PAM16: variants seen among roughly 807,000 people sequenced by gnomAD.
PAM16 encodes mitochondrial import inner membrane translocase subunit TIM16.
PAM16 carries 11 observed loss-of-function variants against 17.9 expected under a neutral mutation model. The observed-to-expected ratio is 0.62, with a 90% confidence interval of 0.39 to 1.02. The LOEUF (loss-of-function observed/expected upper bound fraction) is 1.02. Among genes scored for constraint, PAM16 ranks in the 50% least tolerant of loss-of-function variants. The pLI is 0.01. For synonymous variants in PAM16, 72 were observed against 67.4 expected (o/e 1.07, Z -0.34); for missense variants, 199 against 165.4 (o/e 1.20, Z -1.11).
chr16:4,342,127 G>A (rs1045649826), intron 2 of PAM16, among the ~76,000 whole-genome samples: 2 of 152,134 alleles, frequency 1.3e-5, no homozygotes, highest in Non-Finnish European at 2.9e-5. Flanking sequence ...AAGGAGGGCA[G>A]ATCACGAGGT....
At chr16:4,351,083 C>A in intron 1 of PAM16, 149 bp downstream of exon 1, 1 of 382,556 alleles carries the variant, frequency 2.6e-6, no homozygotes, top group Non-Finnish European at 4.4e-6. Context: ...CCTCGATTCC[C>A]CCGGGTGCAA....
chr16:4,343,971 C>T (rs2053692539), intron 1 of PAM16: 2 of 398,220 alleles, frequency 5.0e-6, no homozygotes, highest in East Asian at 7.2e-5. Flanking sequence ...CTCTGCTCAG[C>T]ACTTGAGCAC....
chr16:4,351,021 C>A, intron 1 of PAM16: 1 of 327,078 alleles, frequency 3.1e-6, no homozygotes, highest in East Asian at 4.8e-5. Context: ...CCGGCCTCTT[C>A]CAGGCAGACG....
At position 4,340,338 on chromosome 16, in the gene PAM16, C is replaced by T. The variant is rs1326418914; in HGVS notation, c.359G>A (p.Gly120Glu). The change falls in exon 5 of 5, where the codon GGG becomes GAG. Residue 120 changes from glycine to glutamate, a missense_variant. Gly to Glu is a moderately conservative substitution (Grantham distance 98). Transcript: ENST00000318059. ...KIQAQEDREK[G>E]QMPHT Reference sequence around the variant, plus strand: ...GAGCAGTCACGTATGGGGCATCTGCCCTTTTTCTCTGTCCTCCTGGGCCTG... The same window carrying T: ...GAGCAGTCACGTATGGGGCATCTGCTCTTTTTCTCTGTCCTCCTGGGCCTG... 1.9e-6 allele frequency: 3 copies of T among 1,612,844 alleles called. No homozygotes were observed. In the African/African-American group the frequency reaches 4.0e-5, roughly 22 times the overall value.
At chr16:4,343,981 C>T (rs1276629168) in intron 1 of PAM16, 1 of 398,090 alleles carries the variant, frequency 2.5e-6, no homozygotes, top group Non-Finnish European at 4.4e-6. Context: ...CACTTGAGCA[C>T]AAAGCTACAC....
At chr16:4,346,220 G>T (rs1044452130) in intron 1 of PAM16, among the ~76,000 whole-genome samples, 1 of 152,194 alleles carries the variant, frequency 6.6e-6, no homozygotes, top group Non-Finnish European at 1.5e-5. Context: ...CTGAGAAGAC[G>T]CAGTGTAGTG....
At chr16:4,340,792 G>C in intron 4 of PAM16, 128 bp downstream of exon 4, 2 of 1,238,560 alleles carry the variant, frequency 1.6e-6, no homozygotes, top group Non-Finnish European at 2.4e-6. Flanking sequence ...GGGCACCATG[G>C]GAAAGCCTGG....
chr16:4,351,307 G>T lies in PAM16; in HGVS notation c.-73C>A, dbSNP rs780891945. On this transcript the variant is annotated 5_prime_UTR_variant, in exon 1 of 5. Coordinates refer to ENST00000318059, the MANE Select transcript of PAM16 (RefSeq NM_016069.11). ...CGGCCGGGGATCAAGCGTGGTCGGC[G>T]GGTCAGAGGTCAAGGAAAGCCGCAG... The T allele has an allele frequency of 4.8e-6, 6 of 1,243,986 alleles. No homozygotes were observed. The African/African-American group carries it at 6.2e-5, about 13-fold the overall frequency. The allele number at this position is 1,243,986 out of a possible 1,614,324, so 77.1% of individuals were successfully genotyped here. A position where few individuals can be genotyped will look rare whatever the true frequency, so the allele number is the denominator to read the frequency against.
rs567885028 is a variant in PAM16 at position 4,349,988 on chromosome 16, T to G, written c.3+1244A>C. Among the ~76,000 whole-genome samples, 4 of 151,444 alleles carry G rather than the reference T, an allele frequency of 2.6e-5. No individual in the cohort carries two copies. In the East Asian group the frequency reaches 7.7e-4, roughly 29 times the overall value. ...GGGCTGGCACTTGTACGCCGTTAGCTGTTACATTATCCTTATTACTATGTT... is the reference window on the plus strand; with the variant it reads ...GGGCTGGCACTTGTACGCCGTTAGCGGTTACATTATCCTTATTACTATGTT... On this transcript the variant is annotated intron_variant, in intron 1 of 4. Coordinates refer to ENST00000318059, the MANE Select transcript of PAM16 (RefSeq NM_016069.11).
At chr16:4,345,729 G>A (rs769303973) in intron 1 of PAM16, 10 of 341,900 alleles carry the variant, frequency 2.9e-5, no homozygotes, top group Non-Finnish European at 3.7e-5. Flanking sequence ...CAGGGCTGTG[G>A]CTGTACTGCA....
chr16:4,349,617 A>T (rs1274091726), intron 1 of PAM16, among the ~76,000 whole-genome samples: 2 of 152,028 alleles, frequency 1.3e-5, no homozygotes, highest in African/African-American at 4.8e-5. Context: ...AAATTTAAAA[A>T]TTAGCCAGGT....
Position 4,343,228 on chromosome 16 carries a change from C to T in PAM16, c.67G>A (p.Ala23Thr), listed in dbSNP as rs767056102. 1 of 1,612,790 alleles carries T rather than the reference C, an allele frequency of 6.2e-7. No homozygotes were observed. Among genetic ancestry groups the T allele is most frequent in the South Asian group, 1.1e-5 (1 of 91,086 alleles). The change falls in exon 2 of 5, where the codon GCC becomes ACC. Residue 23 changes from alanine (A) to threonine (T), a missense_variant. By Grantham distance (58) the Ala-to-Thr change is moderately conservative (BLOSUM62 0). Coordinates refer to ENST00000318059, the MANE Select transcript of PAM16 (RefSeq NM_016069.11). ...VQVVGRAFAR[A>T]LRQEFAASRA... ...TTACCTGCAAACTCCTGCCGCAAGG[C>T]CCGTGCAAAGGCCCTGCCCACCACC...
intron 1 of PAM16, among the ~76,000 whole-genome samples, chr16:4,344,346 CTG>C (rs1229764894): frequency 2.5e-3 from 1 of 398 alleles, no homozygotes; most frequent in African/African-American, 0.016. Context: ...GGAGGGGGTT[CTG>C]TGTGAGAAGA....
intron 1 of PAM16, chr16:4,343,954 G>C: frequency 2.5e-6 from 1 of 398,282 alleles, no homozygotes. Flanking sequence ...CATCTGCTGA[G>C]AGTCTACTCT....
intron 2 of PAM16, 130 bp downstream of exon 2, chr16:4,343,077 C>A (rs1311549352): frequency 2.4e-6 from 3 of 1,226,404 alleles, no homozygotes; most frequent in South Asian, 2.6e-5. Context: ...CTGGCATCAC[C>A]CCCCACCATG....
chr16:4,346,009 G>A, intron 1 of PAM16: 1 of 982,084 alleles, frequency 1.0e-6, no homozygotes, highest in Non-Finnish European at 1.2e-6. Flanking sequence ...GCCAATGACT[G>A]TTGCAAAATA....
chr16:4,351,226 G>T lies in PAM16; in HGVS notation c.3+6C>A. 1 of 1,448,570 alleles carries T rather than the reference G, an allele frequency of 6.9e-7. No homozygotes were observed. The allele number at this position is 1,448,570 out of a possible 1,614,324, so 89.7% of individuals were successfully genotyped here. ...CCTCCCCGGTAGCGCCCGACTCGGG[G>T]CTCACCATGGCAGCCGCTCTGCCTC... On this transcript the variant is annotated splice_donor_region_variant and intron_variant, in intron 1 of 4. Transcript: ENST00000318059.
At chr16:4,341,053 G>T in intron 3 of PAM16, 68 bp from the exon 4 acceptor site, 2 of 1,588,916 alleles carry the variant, frequency 1.3e-6, no homozygotes, top group Non-Finnish European at 1.7e-6. Flanking sequence ...CAGGCTATGT[G>T]GGGCCACGTG....
At chr16:4,349,454 A>G (rs898462634) in intron 1 of PAM16, among the ~76,000 whole-genome samples, 6 of 152,134 alleles carry the variant, frequency 3.9e-5, no homozygotes, top group Non-Finnish European at 8.8e-5. Context: ...TGTTGTCCCA[A>G]CTACCCGGGA....
Sources: gnomAD v4.1 joint callset for allele counts (sites outside exome capture counted in the v4.1 genomes callset) on GRCh38, gnomAD v4.1.1 for gene constraint, MANE v1.5 for transcripts, NCBI Gene and HGNC (gene_info 2026-07-23, HGNC 2026-07-21) for gene names.